ZNF3: variants seen among roughly 807,000 people sequenced by gnomAD.
ZNF3 encodes C2-H2 type zinc finger protein.
Under a neutral mutation model 36.9 loss-of-function variants are expected in ZNF3, and 16 were observed. That is an observed-to-expected ratio of 0.43 (90% CI 0.29 to 0.66). The LOEUF (loss-of-function observed/expected upper bound fraction) is 0.66, where lower values mean the gene tolerates loss of function less well. Ranked by LOEUF, ZNF3 falls within the 30% of genes least tolerant of loss-of-function variation. The pLI, the probability that ZNF3 is intolerant of heterozygous loss-of-function variation, is 0.13. For synonymous variants in ZNF3, 201 were observed against 201.9 expected, an observed-to-expected ratio of 1.00 and a Z score of 0.04; for missense variants, 462 against 543.1, an observed-to-expected ratio of 0.85 and a Z score of 1.48.
downstream of ZNF3, chr7:100,063,875 T>C: frequency 6.2e-7 from 1 of 1,614,100 alleles, no homozygotes; most frequent in African/African-American, 1.3e-5. Flanking sequence ...ATAATTTCTG[T>C]GATTATCGCC....
At position 100,071,704 on chromosome 7, in the gene ZNF3, A is replaced by G. The variant is rs367813555; in HGVS notation, c.780T>C (p.Asp260=). The change falls in exon 6 of 6, where the codon GAT becomes GAC. Residue 260 remains aspartate, a synonymous_variant. Coordinates refer to ENST00000299667, the MANE Select transcript of ZNF3 (RefSeq NM_032924.5). ...HTGEKPYECS[D]CGKTFSCSSA... Reference sequence around the variant, plus strand: ...AGCTACAGCTGAAGGTTTTCCCACAATCACTACATTCATAAGGTTTTTCCC... The same window carrying G: ...AGCTACAGCTGAAGGTTTTCCCACAGTCACTACATTCATAAGGTTTTTCCC... The G allele has an allele frequency of 4.8e-4, 776 of 1,602,546 alleles. 10 individuals are homozygous for G. In the South Asian group the frequency reaches 6.7e-3, roughly 14 times the overall value.
downstream of ZNF3, chr7:100,065,003 T>C (rs1584393861): frequency 3.3e-6 from 5 of 1,497,570 alleles, no homozygotes; most frequent in East Asian, 9.4e-5. Flanking sequence ...TTGAACACAA[T>C]TGAATGAGAT....
At position 100,071,254 on chromosome 7, in the gene ZNF3, A is replaced by G. The variant is rs1435015287; in HGVS notation, c.1230T>C (p.Ala410=). ...ECGKAFRYSS[A]LVRHQRIHTG... ...TGTGAATTCTCTGATGGCGAACAAG[A>G]GCCGAGCTGTACCTGAAGGCTTTCC... The change falls in exon 6 of 6, where the codon GCT becomes GCC. Residue 410 remains alanine (A), a synonymous_variant. Coordinates refer to ENST00000299667, the MANE Select transcript of ZNF3 (RefSeq NM_032924.5). 6.8e-6 allele frequency: 11 copies of G among 1,614,142 alleles called. No homozygotes were observed. In the East Asian group the frequency reaches 1.6e-4, roughly 23 times the overall value.
chr7:100,074,213 C>A (rs375028480), intron 5 of ZNF3, among the ~76,000 whole-genome samples: 6 of 152,088 alleles, frequency 3.9e-5, no homozygotes, highest in African/African-American at 1.4e-4. Flanking sequence ...TGCCACTCAT[C>A]AGCCCAACTG....
chr7:100,064,562 A>G lies in ZNF3; in HGVS notation c.*226T>C, dbSNP rs200907549. The G allele has an allele frequency of 1.1e-4, 185 of 1,614,108 alleles. 1 individual carries two copies. The highest frequency in any genetic ancestry group is 1.4e-4 in the Non-Finnish European group (170 of 1,180,050). On this transcript the variant is annotated 3_prime_UTR_variant, in exon 6 of 6. Transcript: ENST00000413658. ...CACTGTGGAAAGACCTTCTGTAGCA[A>G]GTCCAATCTTTCCAAACATCAGCGA...
rs1287786711 is a variant in ZNF3, at chr7:100,070,395, G to C, written c.*748C>G. On this transcript the variant is annotated 3_prime_UTR_variant, in exon 6 of 6. Coordinates refer to ENST00000299667, the MANE Select transcript of ZNF3 (RefSeq NM_032924.5). ...AGAGGACAAGAGAGGACAGCAATCA[G>C]AGGCCAACGCTAAGTGCTTCTGACC... 3 of 985,354 alleles carry C rather than the reference G, an allele frequency of 3.0e-6. No homozygotes were observed. Among genetic ancestry groups the C allele is most frequent in the African/African-American group, 3.5e-5 (2 of 57,236 alleles). 61.0% of individuals were successfully genotyped at this position (985,354 alleles called of 1,614,324 possible). A position where few individuals can be genotyped will look rare whatever the true frequency, so the allele number is the denominator to read the frequency against.
exon 6 of ZNF3, chr7:100,064,375 G>A (rs1271162396): frequency 6.2e-6 from 10 of 1,614,018 alleles, no homozygotes; most frequent in Non-Finnish European, 8.5e-6. Flanking sequence ...TAACGAATGT[G>A]GGAAGAGCTT....
chr7:100,075,166 C>G lies in ZNF3; in HGVS notation c.240G>C (p.Met80Ile). 1 of 1,612,598 alleles carries G rather than the reference C, an allele frequency of 6.2e-7. No homozygotes were observed. The highest frequency in any genetic ancestry group is 1.7e-5 in the Admixed American group (1 of 59,896). Reference sequence around the variant, plus strand: ...AGAACACATTCCCGTAATTCTCCAGCATCACATCTCTATAGAGGTCCCTCT... The same window carrying G: ...AGAACACATTCCCGTAATTCTCCAGGATCACATCTCTATAGAGGTCCCTCT... ...PAQRDLYRDV[M>I]LENYGNVFSL... Residue 80 changes from methionine to isoleucine, a missense_variant, in exon 5 of 6, where the codon ATG (methionine) becomes ATC (isoleucine). By Grantham distance (10) the Met-to-Ile change is conservative (BLOSUM62 1). Transcript: ENST00000299667.
downstream of ZNF3, among the ~76,000 whole-genome samples, chr7:100,069,739 G>C (rs552792877): frequency 4.6e-5 from 7 of 151,988 alleles, no homozygotes; most frequent in African/African-American, 1.7e-4. Flanking sequence ...TCAGCCTCCT[G>C]AGTAGCTAGG....
chr7:100,072,256 G>A, intron 5 of ZNF3, 44 bp from the exon 6 acceptor site: 8 of 1,480,098 alleles, frequency 5.4e-6, no homozygotes, highest in Non-Finnish European at 6.3e-6. Context: ...CCTTAGGGAA[G>A]AAAGAGTGAA....
chr7:100,069,326 G>A (rs951075991), downstream of ZNF3, among the ~76,000 whole-genome samples: 3 of 151,994 alleles, frequency 2.0e-5, no homozygotes, highest in African/African-American at 7.2e-5. Context: ...GGCTGAGGCC[G>A]GCAGATTGCT....
intron 5 of ZNF3, among the ~76,000 whole-genome samples, chr7:100,073,072 C>T (rs1429053362): frequency 1.3e-5 from 2 of 152,198 alleles, no homozygotes; most frequent in Non-Finnish European, 2.9e-5. Context: ...CTCTTCCTCT[C>T]ATTCTAGCAG....
At chr7:100,080,686 G>A (rs767213260) in intron 1 of ZNF3, among the ~76,000 whole-genome samples, 2 of 152,150 alleles carry the variant, frequency 1.3e-5, no homozygotes, top group African/African-American at 2.4e-5. Flanking sequence ...GGTGGCGGGC[G>A]CCTGTAGTCC....
chr7:100,078,531 C>T (rs1389387219), intron 2 of ZNF3, among the ~76,000 whole-genome samples: 3 of 148,228 alleles, frequency 2.0e-5, no homozygotes, highest in Middle Eastern at 7.2e-3. Flanking sequence ...AGAAAAAATA[C>T]AAAAATTAGC....
chr7:100,066,467 C>T (rs1404934886), downstream of ZNF3, among the ~76,000 whole-genome samples: 2 of 151,882 alleles, frequency 1.3e-5, no homozygotes, highest in Non-Finnish European at 2.9e-5. Flanking sequence ...CGTGGTGGCT[C>T]ACGCCTCTAA....
rs1259065322 is a variant in ZNF3 at position 100,071,587 on chromosome 7, G to A, written c.897C>T (p.Leu299=). 3.7e-6 allele frequency: 6 copies of A among 1,613,460 alleles called. No homozygotes were observed. Among genetic ancestry groups the A allele is most frequent in the Non-Finnish European group, 5.1e-6 (6 of 1,179,874 alleles). ...CGKTFSWSST[L]THHQRIHTGE... ...CAGTGTGGATTCTCTGATGGTGGGT[G>A]AGGGTGGAGCTCCAGCTGAAGGTCT... The change falls in exon 6 of 6, where the codon CTC becomes CTT. Residue 299 remains leucine (L), a synonymous_variant. Coordinates refer to ENST00000299667, the MANE Select transcript of ZNF3 (RefSeq NM_032924.5).
chr7:100,075,425 A>G (rs2116373128), intron 4 of ZNF3, 117 bp downstream of exon 4: 3 of 1,511,630 alleles, frequency 2.0e-6, no homozygotes, highest in East Asian at 4.6e-5. Flanking sequence ...GTGAGGGTCC[A>G]TGATTCAGCA....
At chr7:100,078,172 G>A (rs751142548) in intron 2 of ZNF3, among the ~76,000 whole-genome samples, 18 of 152,076 alleles carry the variant, frequency 1.2e-4, no homozygotes, top group Non-Finnish European at 2.2e-4. Context: ...ACAAAATGCA[G>A]GAGCGGGTAT....
downstream of ZNF3, among the ~76,000 whole-genome samples, chr7:100,068,315 C>T (rs1428051193): frequency 1.3e-5 from 2 of 151,912 alleles, no homozygotes; most frequent in African/African-American, 4.8e-5. Context: ...ACTCTCACCT[C>T]GTGATCCGCC....
Sources: gnomAD v4.1 joint callset for allele counts (sites outside exome capture counted in the v4.1 genomes callset) on GRCh38, gnomAD v4.1.1 for gene constraint, MANE v1.5 for transcripts, NCBI Gene and HGNC (gene_info 2026-07-23, HGNC 2026-07-21) for gene names.